The following PRKX variants were observed in gnomAD, a reference collection of about 807,000 sequenced individuals.
The protein encoded by PRKX is cAMP-dependent protein kinase catalytic subunit PRKX.
A neutral mutation model predicts 22.0 loss-of-function variants in PRKX; 12 were observed. The ratio of observed to expected loss-of-function variants is 0.54; its 90% CI spans 0.35 to 0.88. The LOEUF is 0.88. PRKX is among the 40% of genes least tolerant of loss of function. PRKX has a pLI of 0.01. For missense variants in PRKX, 217 were observed against 308.0 expected, an observed-to-expected ratio of 0.70 and a Z score of 2.21; for synonymous variants, 134 against 137.7, an observed-to-expected ratio of 0.97 and a Z score of 0.19.
chrX:3,606,708 T>G lies in PRKX; in HGVS notation c.*2261A>C, dbSNP rs1926182330. ...TATTTTAAAATTATACAGTGATTGCTCCATGTTTATAGCTCATTTTGATTA... is the reference window on the plus strand; with the variant it reads ...TATTTTAAAATTATACAGTGATTGCGCCATGTTTATAGCTCATTTTGATTA... On this transcript the variant is annotated 3_prime_UTR_variant, in exon 9 of 9. Transcript: ENST00000262848. The G allele has an allele frequency of 8.9e-6, 1 of 111,871 alleles. No individual in the cohort carries two copies. Among genetic ancestry groups the G allele is most frequent in the Non-Finnish European group, 1.9e-5 (1 of 53,196 alleles). 9.2% of individuals were successfully genotyped at this position (111,871 alleles called of 1,213,427 possible).
chrX:3,678,678 G>A (rs1193295990), intron 1 of PRKX, among the ~76,000 whole-genome samples: 1 of 111,932 alleles, frequency 8.9e-6, no homozygotes, highest in East Asian at 2.8e-4. Flanking sequence ...AAAGCAGACA[G>A]AAGTGGCATG....
intron 1 of PRKX, among the ~76,000 whole-genome samples, chrX:3,684,601 G>A (rs1327001958): frequency 2.7e-5 from 3 of 111,055 alleles, no homozygotes; most frequent in Admixed American, 1.9e-4. Flanking sequence ...TACTTTGCTC[G>A]AACTACTGTA....
chrX:3,709,469 T>C, intron 1 of PRKX, among the ~76,000 whole-genome samples: 1 of 111,419 alleles, frequency 9.0e-6, no homozygotes, highest in Non-Finnish European at 1.9e-5. Context: ...GATGAGTAAA[T>C]GCAGAACTAG....
At chrX:3,624,608 T>C (rs1462466936) in intron 5 of PRKX, among the ~76,000 whole-genome samples, 5 of 110,715 alleles carry the variant, frequency 4.5e-5, no homozygotes. Context: ...TATAATTATA[T>C]CTTTTAATTT....
intron 1 of PRKX, among the ~76,000 whole-genome samples, chrX:3,693,976 C>A (rs1235250695): frequency 9.5e-6 from 1 of 105,616 alleles, no homozygotes; most frequent in Admixed American, 1.0e-4. Context: ...AAAATAGGGT[C>A]TTTGTAGTTT....
intron 3 of PRKX, among the ~76,000 whole-genome samples, chrX:3,647,444 AT>A (rs1224418994): frequency 2.8e-5 from 3 of 105,822 alleles, no homozygotes; most frequent in African/African-American, 1.0e-4. Context: ...AAAATTACAT[AT>A]TTAATATATA....
At chrX:3,637,830 G>T (rs1391156575) in intron 4 of PRKX, among the ~76,000 whole-genome samples, 1 of 106,641 alleles carries the variant, frequency 9.4e-6, no homozygotes, top group East Asian at 2.9e-4. Flanking sequence ...GCAGTGGTGC[G>T]ATCTCGGCTC....
At chrX:3,646,298 A>G (rs1009320836) in intron 3 of PRKX, among the ~76,000 whole-genome samples, 4 of 103,323 alleles carry the variant, frequency 3.9e-5, no homozygotes, top group African/African-American at 1.5e-4. Context: ...TCTCAAAAAA[A>G]AAGAGAGAGA....
chrX:3,704,455 A>C (rs1928642685), intron 1 of PRKX, among the ~76,000 whole-genome samples: 1 of 111,631 alleles, frequency 9.0e-6, no homozygotes, highest in African/African-American at 3.3e-5. Context: ...ACTCGAGGCC[A>C]AGAGTTCAAG....
chrX:3,616,842 C>T (rs1347669943), intron 6 of PRKX, among the ~76,000 whole-genome samples: 1 of 111,632 alleles, frequency 9.0e-6, no homozygotes, highest in Non-Finnish European at 1.9e-5. Flanking sequence ...TGAGTTTTCC[C>T]TTCAGCAATG....
intron 2 of PRKX, among the ~76,000 whole-genome samples, chrX:3,665,766 T>C (rs1452558044): frequency 9.0e-6 from 1 of 110,894 alleles, no homozygotes; most frequent in Non-Finnish European, 1.9e-5. Flanking sequence ...ACAAATGCCG[T>C]ATGATTCTGC....
At chrX:3,615,510 G>C (rs1189929631) in intron 7 of PRKX, among the ~76,000 whole-genome samples, 1 of 111,113 alleles carries the variant, frequency 9.0e-6, no homozygotes, top group South Asian at 3.8e-4. Flanking sequence ...TCAGGAATCA[G>C]GCCAGGTCTC....
intron 1 of PRKX, among the ~76,000 whole-genome samples, chrX:3,699,043 AT>A (rs1162048420): frequency 3.6e-4 from 22 of 60,776 alleles, no homozygotes; most frequent in Admixed American, 7.2e-4. Context: ...TTTTTATTTT[AT>A]TTTTTTTTTT....
intron 6 of PRKX, among the ~76,000 whole-genome samples, chrX:3,620,359 C>T (rs1211112832): frequency 1.8e-5 from 2 of 112,399 alleles, no homozygotes; most frequent in African/African-American, 6.5e-5. Context: ...TGTACAATTC[C>T]ATTTTTAGCA....
intron 3 of PRKX, among the ~76,000 whole-genome samples, chrX:3,643,313 C>T (rs777523677): frequency 3.6e-5 from 4 of 111,744 alleles, no homozygotes; most frequent in African/African-American, 9.7e-5. Flanking sequence ...CACTAGACCT[C>T]GCTCTTGCTA....
chrX:3,705,091 G>A (rs1928655456), intron 1 of PRKX, among the ~76,000 whole-genome samples: 1 of 111,694 alleles, frequency 9.0e-6, no homozygotes, highest in African/African-American at 3.2e-5. Flanking sequence ...AATCCATTTC[G>A]GCTGCCATCA....
intron 1 of PRKX, among the ~76,000 whole-genome samples, chrX:3,707,107 G>A (rs7063979): frequency 0.052 from 5,762 of 111,167 alleles, 283 homozygotes; most frequent in African/African-American, 0.16. Context: ...CAGCCTGGGC[G>A]ACAGAGTAAG....
chrX:3,710,992 G>C (rs1163098402), intron 1 of PRKX, among the ~76,000 whole-genome samples: 1 of 111,707 alleles, frequency 9.0e-6, no homozygotes, highest in Non-Finnish European at 1.9e-5. Context: ...AGACACAATC[G>C]TGAAGGATCT....
chrX:3,701,744 G>C (rs1368396606), intron 1 of PRKX, among the ~76,000 whole-genome samples: 1 of 111,300 alleles, frequency 9.0e-6, no homozygotes. Flanking sequence ...TGATAAAACA[G>C]GTTGCGGTAA....
Sources: allele counts gnomAD v4.1 joint callset (sites outside exome capture counted in the v4.1 genomes callset), GRCh38; gene constraint gnomAD v4.1.1; transcripts MANE v1.5; gene names NCBI Gene and HGNC (gene_info 2026-07-23, HGNC 2026-07-21).